The following DDX10 variants were observed in gnomAD, a reference collection of about 807,000 sequenced individuals.
DDX10 encodes the protein probable ATP-dependent RNA helicase DDX10.
A neutral mutation model predicts 104.3 loss-of-function variants in DDX10; 74 were observed. The ratio of observed to expected loss-of-function variants is 0.71; its 90% CI spans 0.59 to 0.86. The LOEUF is 0.86. DDX10 is among the 40% of genes least tolerant of loss of function. DDX10 has a pLI of 0.00. For synonymous variants in DDX10, 351 were observed against 353.4 expected (o/e 0.99, Z 0.08); for missense variants, 952 against 1,040.0 (o/e 0.92, Z 1.16).
At chr11:108,686,743 C>T (rs1193080980) in intron 6 of DDX10, among the ~76,000 whole-genome samples, 7 of 152,128 alleles carry the variant, frequency 4.6e-5, no homozygotes, top group Non-Finnish European at 1.0e-4. Flanking sequence ...GTTTTCAACT[C>T]TTTTTGGTAA....
intron 16 of DDX10, among the ~76,000 whole-genome samples, chr11:108,905,915 A>G (rs1392630927): frequency 4.6e-5 from 7 of 152,182 alleles, no homozygotes; most frequent in Non-Finnish European, 1.0e-4. Context: ...CTAAACCACC[A>G]GATATCGCAA....
chr11:108,852,263 A>G (rs1279523326), intron 16 of DDX10, 54 bp downstream of exon 16: 5 of 1,387,922 alleles, frequency 3.6e-6, no homozygotes, highest in South Asian at 2.7e-5. Flanking sequence ...AGAATGGACA[A>G]AAGCATTTTA....
intron 13 of DDX10, among the ~76,000 whole-genome samples, chr11:108,731,817 A>G (rs2094312666): frequency 6.6e-6 from 1 of 152,306 alleles, no homozygotes; most frequent in Middle Eastern, 3.4e-3. Context: ...TAGACGAGAT[A>G]TAGAAAAATC....
intron 16 of DDX10, among the ~76,000 whole-genome samples, chr11:108,901,404 A>C (rs533800026): frequency 6.6e-6 from 1 of 152,326 alleles, no homozygotes; most frequent in Non-Finnish European, 1.5e-5. Context: ...TGTGTGATTT[A>C]AAGTTTAGCT....
chr11:108,846,286 C>G (rs1233540269), intron 15 of DDX10, among the ~76,000 whole-genome samples: 2 of 152,124 alleles, frequency 1.3e-5, no homozygotes, highest in Non-Finnish European at 2.9e-5. Flanking sequence ...AAAATCCATT[C>G]TTTTAGCTAT....
At chr11:108,771,960 G>A (rs192261054) in intron 13 of DDX10, among the ~76,000 whole-genome samples, 11 of 152,296 alleles carry the variant, frequency 7.2e-5, no homozygotes, top group African/African-American at 2.6e-4. Flanking sequence ...TCAGGGCTCT[G>A]CTAACGGTAC....
chr11:108,854,088 A>G (rs1862832935), intron 16 of DDX10, among the ~76,000 whole-genome samples: 2 of 152,206 alleles, frequency 1.3e-5, no homozygotes, highest in African/African-American at 4.8e-5. Context: ...ACATTCCTCA[A>G]GACACTGAGG....
chr11:108,665,437 C>A, intron 1 of DDX10, 98 bp downstream of exon 1: 1 of 1,371,132 alleles, frequency 7.3e-7, no homozygotes, highest in Non-Finnish European at 9.7e-7. Flanking sequence ...GGATCTGTCA[C>A]CGGGACCCGG....
chr11:108,786,523 G>C (rs1011083442), intron 13 of DDX10, among the ~76,000 whole-genome samples: 2 of 151,988 alleles, frequency 1.3e-5, no homozygotes, highest in Non-Finnish European at 2.9e-5. Flanking sequence ...TTGTTTTATG[G>C]ATCTGGGTGC....
At chr11:108,683,898 A>C (rs1248378722) in intron 6 of DDX10, among the ~76,000 whole-genome samples, 2 of 152,120 alleles carry the variant, frequency 1.3e-5, no homozygotes, top group African/African-American at 4.8e-5. Flanking sequence ...GGTTGTGTGT[A>C]CTAAAAATGA....
intron 13 of DDX10, among the ~76,000 whole-genome samples, chr11:108,760,137 G>A (rs904443542): frequency 4.0e-5 from 6 of 151,520 alleles, no homozygotes; most frequent in African/African-American, 1.5e-4. Flanking sequence ...TTTCCTTTTT[G>A]TGTTTTCTGT....
intron 13 of DDX10, among the ~76,000 whole-genome samples, chr11:108,726,180 GATAT>G (rs1353531216): frequency 6.6e-6 from 1 of 151,948 alleles, no homozygotes; most frequent in Non-Finnish European, 1.5e-5. Context: ...TCTGTCAACT[GATAT>G]ATATTTTCTT....
At chr11:108,918,850 T>G (rs1863787740) in intron 17 of DDX10, 1 of 152,206 alleles carries the variant, frequency 6.6e-6, no homozygotes, top group Non-Finnish European at 1.5e-5. Context: ...TTGAGAATGT[T>G]AAACTTCATG....
chr11:108,665,337 A>C lies in DDX10; in HGVS notation c.184A>C (p.Lys62Gln), dbSNP rs1360157964. The change falls in exon 1 of 18, where the codon AAG becomes CAG. Residue 62 changes from lysine to glutamine, a missense_variant and splice_region_variant. Lys to Gln is a moderately conservative substitution (Grantham distance 53). Transcript: ENST00000322536. ...SISRLMQNYEKINVNEITRFS... is the reference protein window; with the variant it reads ...SISRLMQNYEQINVNEITRFS... ...CAGCCGCCTCATGCAGAACTATGAAAAGGTGAGGCCGGCGCTGGGGAGGGG... is the reference window on the plus strand; with the variant it reads ...CAGCCGCCTCATGCAGAACTATGAACAGGTGAGGCCGGCGCTGGGGAGGGG... 3 of 1,577,086 alleles carry C rather than the reference A, an allele frequency of 1.9e-6. No homozygotes were observed. The African/African-American group carries it at 4.1e-5, about 22-fold the overall frequency.
intron 16 of DDX10, among the ~76,000 whole-genome samples, chr11:108,882,105 A>C (rs1382010360): frequency 6.6e-6 from 1 of 152,172 alleles, no homozygotes; most frequent in East Asian, 1.9e-4. Context: ...CCATGAGGTA[A>C]TTATGAACTG....
chr11:108,862,481 T>C (rs1862954269), intron 16 of DDX10, among the ~76,000 whole-genome samples: 1 of 152,228 alleles, frequency 6.6e-6, no homozygotes, highest in African/African-American at 2.4e-5. Flanking sequence ...TCATTCATAT[T>C]TTATGAAAGC....
At chr11:108,672,342 TG>T (rs145597010) in intron 1 of DDX10, among the ~76,000 whole-genome samples, 15 of 152,240 alleles carry the variant, frequency 9.9e-5, no homozygotes, top group Non-Finnish European at 1.6e-4. Context: ...ATACCACGAG[TG>T]CTAGAGTGAG....
intron 16 of DDX10, among the ~76,000 whole-genome samples, chr11:108,909,749 A>G (rs1863643617): frequency 6.6e-6 from 1 of 152,108 alleles, no homozygotes; most frequent in East Asian, 1.9e-4. Context: ...ATTGTCAGAA[A>G]TGAGTTGTAT....
At chr11:108,756,177 TTATC>T (rs2094344224) in intron 13 of DDX10, among the ~76,000 whole-genome samples, 1 of 152,050 alleles carries the variant, frequency 6.6e-6, no homozygotes, top group African/African-American at 2.4e-5. Flanking sequence ...GCAGTAAACT[TTATC>T]TAATGTGATT....
Sources: gnomAD v4.1 joint callset for allele counts (sites outside exome capture counted in the v4.1 genomes callset) on GRCh38, gnomAD v4.1.1 for gene constraint, MANE v1.5 for transcripts, NCBI Gene and HGNC (gene_info 2026-07-23, HGNC 2026-07-21) for gene names.